Variants in KCNQ3 observed in about 807,000 individuals in gnomAD.
The protein encoded by KCNQ3 is potassium voltage-gated channel subfamily Q member 3, also known as potassium voltage-gated channel subfamily KQT member 3.
In KCNQ3, 30 loss-of-function variants were observed where a neutral mutation model predicts 92.5. That is an observed-to-expected ratio of 0.32 (90% CI 0.24 to 0.44). The LOEUF (loss-of-function observed/expected upper bound fraction) is 0.44. Ranked by LOEUF, KCNQ3 falls within the 20% of genes least tolerant of loss-of-function variation. The pLI, the probability that KCNQ3 is intolerant of heterozygous loss-of-function variation, is 1.00. For synonymous variants in KCNQ3, 450 were observed against 468.8 expected (o/e 0.96, Z 0.52); for missense variants, 913 against 1,140.3 (o/e 0.80, Z 2.87).
chr8:132,159,492 A>G (rs1321661507), intron 9 of KCNQ3, among the ~76,000 whole-genome samples: 1 of 152,192 alleles, frequency 6.6e-6, no homozygotes, highest in Non-Finnish European at 1.5e-5. Context: ...CAGGGTGTGA[A>G]TATGTAACTC....
intron 1 of KCNQ3, among the ~76,000 whole-genome samples, chr8:132,249,197 T>G (rs13281112): frequency 6.6e-6 from 1 of 152,162 alleles, no homozygotes; most frequent in East Asian, 1.9e-4. Flanking sequence ...GCTTCCACAG[T>G]GCAGAAGGGG....
At chr8:132,371,489 T>C (rs141865640) in intron 1 of KCNQ3, among the ~76,000 whole-genome samples, 44 of 152,298 alleles carry the variant, frequency 2.9e-4, no homozygotes, top group Admixed American at 3.9e-4. Context: ...CTGACCTGCG[T>C]CATCAAGGAT....
chr8:132,364,682 C>T (rs1365644994), intron 1 of KCNQ3, among the ~76,000 whole-genome samples: 5,927 of 113,596 alleles, frequency 0.052, 341 homozygotes, highest in African/African-American at 0.2. Context: ...GACGGACGGA[C>T]GGACGGACGG....
intron 12 of KCNQ3, among the ~76,000 whole-genome samples, 168 bp from the exon 13 acceptor site, chr8:132,134,556 AG>A (rs1563764994): frequency 7.7e-5 from 5 of 65,080 alleles, no homozygotes; most frequent in Non-Finnish European, 1.8e-4. Flanking sequence ...AGAAGTGAGG[AG>A]AGGAGAGGGG....
chr8:132,308,072 C>A (rs1324789621), intron 1 of KCNQ3, among the ~76,000 whole-genome samples: 1 of 152,150 alleles, frequency 6.6e-6, no homozygotes, highest in Admixed American at 6.5e-5. Flanking sequence ...TCAGGCCCAG[C>A]AGGGAGCTGC....
At chr8:132,390,099 A>G (rs188416627) in intron 1 of KCNQ3, among the ~76,000 whole-genome samples, 9 of 152,366 alleles carry the variant, frequency 5.9e-5, no homozygotes, top group South Asian at 4.1e-4. Flanking sequence ...CTAGAGCTAC[A>G]TGCAACAACA....
At chr8:132,345,068 G>A (rs560479709) in intron 1 of KCNQ3, among the ~76,000 whole-genome samples, 2 of 152,272 alleles carry the variant, frequency 1.3e-5, no homozygotes, top group Non-Finnish European at 2.9e-5. Flanking sequence ...ATAGATTGGT[G>A]GCCCTAACTT....
chr8:132,360,840 G>T (rs1424869029), intron 1 of KCNQ3, among the ~76,000 whole-genome samples: 2 of 152,194 alleles, frequency 1.3e-5, no homozygotes, highest in Non-Finnish European at 2.9e-5. Flanking sequence ...TCTTTTGGAT[G>T]CTTGGGGTCC....
At chr8:132,434,895 G>A (rs941208159) in intron 1 of KCNQ3, among the ~76,000 whole-genome samples, 2 of 152,238 alleles carry the variant, frequency 1.3e-5, no homozygotes, top group Non-Finnish European at 2.9e-5. Flanking sequence ...TAAAGGCTAG[G>A]TAGGGGTCAT....
At position 132,349,365 on chromosome 8, in the gene KCNQ3, C is replaced by A. The variant is rs148948468; in HGVS notation, c.386+130782G>T. The stretch of plus-strand genomic sequence containing the variant: ...ATGGAACAACCCACAAAATCAGAAG[C>A]ACAGATGAGAGATACGCTGCATTTT... On this transcript the variant is annotated intron_variant, in intron 1 of 14. Coordinates refer to ENST00000388996, the MANE Select transcript of KCNQ3 (RefSeq NM_004519.4). Among the ~76,000 whole-genome samples, 53 of 152,282 alleles carry A rather than the reference C, an allele frequency of 3.5e-4. No individual in the cohort carries two copies. In the East Asian group the frequency reaches 9.8e-3, roughly 28 times the overall value.
At chr8:132,219,850 A>G (rs1814161798) in intron 1 of KCNQ3, among the ~76,000 whole-genome samples, 1 of 152,180 alleles carries the variant, frequency 6.6e-6, no homozygotes, top group African/African-American at 2.4e-5. Context: ...TTTTGCTACT[A>G]AAGAGAAGTA....
At chr8:132,387,024 C>G (rs73708444) in intron 1 of KCNQ3, among the ~76,000 whole-genome samples, 24,040 of 152,140 alleles carry the variant, frequency 0.16, 2,215 homozygotes, top group African/African-American at 0.26. Context: ...ATTGAAACAT[C>G]ACACTTTCCC....
rs553193403 is a variant in KCNQ3, at chr8:132,264,366, T to A, written c.387-78185A>T. ...GCCCCATTTCACCAGCCCCCAGCTA[T>A]CAGGAGGGGCCACGTATTGGGGTCA... On this transcript the variant is annotated intron_variant, in intron 1 of 14. Transcript: ENST00000388996. Among the ~76,000 whole-genome samples the A allele has an allele frequency of 3.7e-4, 56 of 152,276 alleles. 1 individual carries two copies. The South Asian group carries it at 0.011, about 31-fold the overall frequency.
intron 1 of KCNQ3, among the ~76,000 whole-genome samples, chr8:132,433,468 A>G (rs746035531): frequency 5.3e-5 from 8 of 152,248 alleles, no homozygotes; most frequent in Non-Finnish European, 1.0e-4. Context: ...GAAAATCGCC[A>G]TGGAGAAATC....
At chr8:132,271,952 T>C (rs1816160468) in intron 1 of KCNQ3, among the ~76,000 whole-genome samples, 1 of 152,218 alleles carries the variant, frequency 6.6e-6, no homozygotes, top group Non-Finnish European at 1.5e-5. Context: ...TTCTTCTCAT[T>C]TAGTATCTAA....
chr8:132,345,634 G>C (rs12680431), intron 1 of KCNQ3, among the ~76,000 whole-genome samples: 1 of 152,142 alleles, frequency 6.6e-6, no homozygotes, highest in African/African-American at 2.4e-5. Context: ...TCCAACTGGG[G>C]AATGTTTTTC....
At chr8:132,453,675 G>T (rs1821875814) in intron 1 of KCNQ3, among the ~76,000 whole-genome samples, 1 of 149,492 alleles carries the variant, frequency 6.7e-6, no homozygotes. Context: ...TCATTGATCT[G>T]TTTTTTTTTT....
intron 1 of KCNQ3, among the ~76,000 whole-genome samples, chr8:132,266,845 G>A (rs1815997960): frequency 6.6e-6 from 1 of 152,156 alleles, no homozygotes; most frequent in Non-Finnish European, 1.5e-5. Flanking sequence ...CTGTTCTAGG[G>A]CATGGCAGAG....
At chr8:132,395,075 T>C (rs755346087) in intron 1 of KCNQ3, among the ~76,000 whole-genome samples, 2 of 152,198 alleles carry the variant, frequency 1.3e-5, no homozygotes, top group Non-Finnish European at 2.9e-5. Context: ...TCATTACTGT[T>C]CCCTTCCAAC....
Sources: allele counts gnomAD v4.1 joint callset (sites outside exome capture counted in the v4.1 genomes callset), GRCh38; gene constraint gnomAD v4.1.1; transcripts MANE v1.5; gene names NCBI Gene and HGNC (gene_info 2026-07-23, HGNC 2026-07-21).